The following GRM7 variants were observed in gnomAD, a reference collection of about 807,000 sequenced individuals.
GRM7 encodes glutamate metabotropic receptor 7.
In GRM7, 35 loss-of-function variants were observed where a neutral mutation model predicts 84.5. The observed-to-expected ratio is 0.41, with a 90% confidence interval of 0.32 to 0.55. The LOEUF (loss-of-function observed/expected upper bound fraction) is 0.55, where lower values mean the gene tolerates loss of function less well. Among genes scored for constraint, GRM7 ranks in the 20% least tolerant of loss-of-function variants. The pLI, the probability that GRM7 is intolerant of heterozygous loss-of-function variation, is 0.19. For synonymous variants in GRM7, 487 were observed against 455.1 expected, an observed-to-expected ratio of 1.07 and a Z score of -0.89; for missense variants, 1,003 against 1,194.6, an observed-to-expected ratio of 0.84 and a Z score of 2.36.
chr3:7,602,102 G>T (rs1271924306), intron 8 of GRM7, among the ~76,000 whole-genome samples: 1 of 139,484 alleles, frequency 7.2e-6, no homozygotes, highest in Non-Finnish European at 1.5e-5. Context: ...AAAAAAAAAA[G>T]GCATTCTGTT....
chr3:7,235,315 C>T (rs1216872640), intron 2 of GRM7, among the ~76,000 whole-genome samples: 1 of 152,148 alleles, frequency 6.6e-6, no homozygotes, highest in Non-Finnish European at 1.5e-5. Context: ...GGTATGTATG[C>T]CAAGTCATTC....
chr3:6,933,464 T>A (rs563900770), intron 1 of GRM7, among the ~76,000 whole-genome samples: 3 of 152,288 alleles, frequency 2.0e-5, no homozygotes, highest in East Asian at 1.9e-4. Context: ...TACTTTAAGA[T>A]GAAAGACATC....
At chr3:6,984,437 T>C (rs1311018276) in intron 1 of GRM7, among the ~76,000 whole-genome samples, 4 of 152,216 alleles carry the variant, frequency 2.6e-5, no homozygotes, top group African/African-American at 9.6e-5. Context: ...TACATAGATT[T>C]CATTACGTAG....
chr3:6,914,511 T>C (rs1696877397), intron 1 of GRM7, among the ~76,000 whole-genome samples: 1 of 152,086 alleles, frequency 6.6e-6, no homozygotes, highest in Admixed American at 6.6e-5. Flanking sequence ...CAAGTGATTC[T>C]CCTGCCTCAG....
chr3:7,638,436 T>C (rs17047765), intron 8 of GRM7, among the ~76,000 whole-genome samples: 3,914 of 152,290 alleles, frequency 0.026, 176 homozygotes, highest in African/African-American at 0.089. Context: ...AATCATTGAC[T>C]GTAAAAGATT....
chr3:7,447,810 A>G (rs976902185), intron 5 of GRM7, among the ~76,000 whole-genome samples: 4 of 151,824 alleles, frequency 2.6e-5, no homozygotes, highest in African/African-American at 9.7e-5. Flanking sequence ...CAGGTTAGTT[A>G]CATATGTATA....
At chr3:7,476,486 G>A (rs1698926144) in intron 7 of GRM7, among the ~76,000 whole-genome samples, 1 of 152,136 alleles carries the variant, frequency 6.6e-6, no homozygotes, top group Admixed American at 6.6e-5. Flanking sequence ...AGCAGAGGTT[G>A]CAGTGAGCCA....
intron 4 of GRM7, among the ~76,000 whole-genome samples, chr3:7,309,938 G>C (rs1311551132): frequency 6.6e-6 from 1 of 152,136 alleles, no homozygotes; most frequent in African/African-American, 2.4e-5. Flanking sequence ...TTTTTAGTGT[G>C]TCTGCATTGT....
In GRM7 at chr3:7,490,515, G is replaced by A. The variant is rs549663113; in HGVS notation, c.1515+28793G>A. On this transcript the variant is annotated intron_variant, in intron 7 of 9. Transcript: ENST00000357716. ...TTCTTGAGTAAATGGTTGCACTTGT[G>A]TTAGCCTGAAACTATAATGTTGAAA... 3.3e-5 allele frequency among the ~76,000 whole-genome samples: 5 copies of A among 152,272 alleles called. No homozygotes were observed. In the East Asian group the frequency reaches 9.6e-4, roughly 29 times the overall value.
In GRM7 at chr3:7,279,639, C is replaced by T. The variant is rs144203729; in HGVS notation, c.737-19045C>T. Among the ~76,000 whole-genome samples the T allele has an allele frequency of 1.9e-3, 290 of 152,238 alleles. 2 individuals carry two copies. The highest frequency in any genetic ancestry group is 6.8e-3 in the Middle Eastern group (2 of 294). On this transcript the variant is annotated intron_variant, in intron 2 of 9. Coordinates refer to ENST00000357716, the MANE Select transcript of GRM7 (RefSeq NM_000844.4). ...TAAGCAGAGGCAAGACACCAAACAG[C>T]CCTACAATAAAAGAGTTGGTGAGGA... is the stretch of plus-strand genomic sequence containing the variant.
intron 9 of GRM7, among the ~76,000 whole-genome samples, chr3:7,713,308 C>T (rs200812086): frequency 4.0e-5 from 6 of 151,204 alleles, no homozygotes; most frequent in African/African-American, 1.2e-4. Context: ...GGCTAATTTT[C>T]ATATTTTTAG....
intron 2 of GRM7, among the ~76,000 whole-genome samples, chr3:7,285,480 C>T (rs1699398968): frequency 6.6e-6 from 1 of 151,986 alleles, no homozygotes; most frequent in African/African-American, 2.4e-5. Context: ...TAGTAAACCT[C>T]CCAAATTAGT....
At chr3:7,547,297 C>G (rs903434735) in intron 7 of GRM7, among the ~76,000 whole-genome samples, 2 of 150,756 alleles carry the variant, frequency 1.3e-5, no homozygotes, top group Non-Finnish European at 2.9e-5. Context: ...AGCTCCACCC[C>G]CCGGGTTCAC....
chr3:7,173,157 G>A (rs1468290783), intron 2 of GRM7, among the ~76,000 whole-genome samples: 1 of 152,154 alleles, frequency 6.6e-6, no homozygotes, highest in Admixed American at 6.5e-5. Flanking sequence ...CAGGTAAGTT[G>A]ACTTCATAAT....
chr3:6,861,423 C>T lies in GRM7; in HGVS notation c.35C>T (p.Thr12Ile). The T allele has an allele frequency of 6.3e-7, 1 of 1,589,072 alleles. No homozygotes were observed. The highest frequency in any genetic ancestry group is 1.8e-5 in the Admixed American group (1 of 56,996). ...VQLRKLLRVLTLMKFPCCVLE... is the reference protein window; with the variant it reads ...VQLRKLLRVLILMKFPCCVLE... Reference sequence around the variant, plus strand: ...CTGAGGAAGCTGCTCCGCGTCCTGACTTTGATGAAGTTCCCCTGCTGCGTG... The same window carrying T: ...CTGAGGAAGCTGCTCCGCGTCCTGATTTTGATGAAGTTCCCCTGCTGCGTG... The change falls in exon 1 of 10, where the codon ACT (threonine) becomes ATT (isoleucine). Residue 12 changes from threonine (T) to isoleucine (I), a missense_variant. Around this residue, in one of 2 missense-constraint regions of GRM7, gnomAD observed 93 missense variants for 68.6 expected, o/e 1.36. Coordinates refer to ENST00000357716, the MANE Select transcript of GRM7 (RefSeq NM_000844.4). The surrounding 1 kb of genome is among the most constrained non-coding windows in gnomAD (Gnocchi z 6.4).
intron 1 of GRM7, among the ~76,000 whole-genome samples, chr3:7,077,088 T>G (rs544057588): frequency 6.6e-6 from 1 of 151,854 alleles, no homozygotes; most frequent in African/African-American, 2.4e-5. Flanking sequence ...TGCTGGAGAG[T>G]CTGTGGAGAA....
At chr3:7,380,789 T>G (rs1208224239) in intron 4 of GRM7, among the ~76,000 whole-genome samples, 1 of 152,214 alleles carries the variant, frequency 6.6e-6, no homozygotes, top group African/African-American at 2.4e-5. Context: ...GGTTCAGCAC[T>G]GAGAAAAGAA....
chr3:7,168,458 A>ATC (rs796182437), intron 2 of GRM7, among the ~76,000 whole-genome samples: 104 of 152,156 alleles, frequency 6.8e-4, no homozygotes, highest in African/African-American at 2.4e-3. Flanking sequence ...AACAGGAGAG[A>ATC]TCTCTCTCTC....
At chr3:7,307,547 A>C (rs1364324326) in intron 4 of GRM7, among the ~76,000 whole-genome samples, 1 of 152,160 alleles carries the variant, frequency 6.6e-6, no homozygotes, top group Non-Finnish European at 1.5e-5. Flanking sequence ...AGAAGGCTGC[A>C]TGTTCTGTGT....
Sources: gnomAD v4.1 joint callset for allele counts (sites outside exome capture counted in the v4.1 genomes callset) on GRCh38, gnomAD v4.1.1 for gene constraint, gnomAD v4.1.1 regional missense constraint, Gnocchi (gnomAD v3.1) non-coding constraint, MANE v1.5 for transcripts, NCBI Gene and HGNC (gene_info 2026-07-23, HGNC 2026-07-21) for gene names.